Variants in TMEM169 observed in about 807,000 individuals in gnomAD.
TMEM169 encodes the protein transmembrane protein 169.
Under a neutral mutation model 27.3 loss-of-function variants are expected in TMEM169, and 18 were observed. That is an observed-to-expected ratio of 0.66 (90% CI 0.46 to 0.98). TMEM169 has a LOEUF of 0.98. TMEM169 is among the 50% of genes least tolerant of loss of function. TMEM169 has a pLI of 0.00. For missense variants in TMEM169, 320 were observed against 368.6 expected, an observed-to-expected ratio of 0.87 and a Z score of 1.08; for synonymous variants, 136 against 142.1, an observed-to-expected ratio of 0.96 and a Z score of 0.30.
chr2:216,088,120 T>G (rs1235914288), intron 1 of TMEM169, among the ~76,000 whole-genome samples: 1 of 147,848 alleles, frequency 6.8e-6, no homozygotes, highest in Non-Finnish European at 1.5e-5. Flanking sequence ...ATTGCACAAC[T>G]GCACTCCAGC....
chr2:216,093,929 T>A (rs938139090), intron 1 of TMEM169, among the ~76,000 whole-genome samples: 2 of 152,174 alleles, frequency 1.3e-5, no homozygotes, highest in Non-Finnish European at 2.9e-5. Flanking sequence ...TAGAGCCTAG[T>A]GGAATTTTTG....
In TMEM169 at chr2:216,100,214, A is replaced by G. The variant is rs1355514408; in HGVS notation, c.566A>G (p.Asn189Ser). 3.7e-6 allele frequency: 6 copies of G among 1,612,666 alleles called. No homozygotes were observed. The South Asian group carries it at 6.6e-5, about 18-fold the overall frequency. Residue 189 changes from asparagine (N) to serine (S), a missense_variant, in exon 3 of 3, where the codon AAC (asparagine) becomes AGC (serine). Coordinates refer to ENST00000437356, the MANE Select transcript of TMEM169 (RefSeq NM_001142311.2). ...SFYYGTITWY[N>S]IFLVYNEERT... The stretch of plus-strand genomic sequence containing the variant: ...TACTACGGCACTATCACCTGGTACA[A>G]CATCTTCCTCGTGTATAATGAGGAA...
In TMEM169 at chr2:216,102,622, TC is replaced by T. The variant is rs1480114057; in HGVS notation, c.*2081del. ...GAGCTCCACCTTCAGAGGAACTCTC[TC>T]TTTTTTTTTTTTTTAAATAACTATT... is the stretch of plus-strand genomic sequence containing the variant. On this transcript the variant is annotated 3_prime_UTR_variant, in exon 3 of 3. Transcript: ENST00000437356. 6.7e-6 allele frequency: 1 copy of T among 149,022 alleles called. No individual in the cohort carries two copies. The highest frequency in any genetic ancestry group is 1.5e-5 in the Non-Finnish European group (1 of 67,406). 9.2% of individuals were successfully genotyped at this position (149,022 alleles called of 1,614,324 possible).
At chr2:216,096,778 G>T (rs973796696) in intron 2 of TMEM169, among the ~76,000 whole-genome samples, 13 of 152,176 alleles carry the variant, frequency 8.5e-5, no homozygotes, top group African/African-American at 2.7e-4. Context: ...AAATGGAAGA[G>T]GCTGATTTAT....
intron 1 of TMEM169, among the ~76,000 whole-genome samples, chr2:216,093,125 AGT>A (rs60241289): frequency 0.24 from 35,071 of 145,546 alleles, 4,707 homozygotes; most frequent in Non-Finnish European, 0.32. Flanking sequence ...GTAATAATGA[AGT>A]GTGTGTGTGT....
At chr2:216,088,405 A>G (rs763716194) in intron 1 of TMEM169, among the ~76,000 whole-genome samples, 1 of 152,266 alleles carries the variant, frequency 6.6e-6, no homozygotes, top group Non-Finnish European at 1.5e-5. Flanking sequence ...CGGAGCTTGC[A>G]GTGGGCTGAG....
intron 1 of TMEM169, among the ~76,000 whole-genome samples, chr2:216,095,109 C>CTTTTTTTTTTCTTTTTTTTTTTTT (rs1553564688): frequency 9.1e-6 from 1 of 110,482 alleles, no homozygotes; most frequent in African/African-American, 4.1e-5. Context: ...TTTTTTCTTT[C>CTTTTTTTTTTCTTTTTTTTTTTTT]TTTTTTTTTT....
intron 2 of TMEM169, among the ~76,000 whole-genome samples, chr2:216,098,680 C>T (rs1439356513): frequency 6.6e-6 from 1 of 151,776 alleles, no homozygotes; most frequent in Non-Finnish European, 1.5e-5. Context: ...TCTAGGGTGG[C>T]CAGCAGATAG....
At chr2:216,097,715 C>A (rs1250025733) in intron 2 of TMEM169, among the ~76,000 whole-genome samples, 1 of 152,162 alleles carries the variant, frequency 6.6e-6, no homozygotes, top group East Asian at 1.9e-4. Context: ...AGTTGACCTT[C>A]AGGGAAAGAC....
chr2:216,093,324 G>C (rs1696183593), intron 1 of TMEM169, among the ~76,000 whole-genome samples: 1 of 152,044 alleles, frequency 6.6e-6, no homozygotes, highest in South Asian at 2.1e-4. Flanking sequence ...CTAATGGTTG[G>C]ATTAATTGTC....
intron 1 of TMEM169, chr2:216,083,048 C>A (rs1695906159): frequency 6.6e-6 from 1 of 152,286 alleles, no homozygotes. Flanking sequence ...TGGACAGCTA[C>A]ACTTCCCTGT....
chr2:216,095,109 C>CTTTTTTTT (rs71047975), intron 1 of TMEM169, among the ~76,000 whole-genome samples: 3 of 110,474 alleles, frequency 2.7e-5, no homozygotes, highest in African/African-American at 8.2e-5. Context: ...TTTTTTCTTT[C>CTTTTTTTT]TTTTTTTTTT....
intron 1 of TMEM169, among the ~76,000 whole-genome samples, chr2:216,086,957 A>G (rs1235237953): frequency 6.6e-6 from 1 of 152,236 alleles, no homozygotes; most frequent in Non-Finnish European, 1.5e-5. Flanking sequence ...TCAGTCACAT[A>G]TTAGGCATTT....
At position 216,101,162 on chromosome 2, in the gene TMEM169, T is replaced by A. The variant is rs959779851; in HGVS notation, c.*620T>A. 4 of 160,324 alleles carry A rather than the reference T, an allele frequency of 2.5e-5. No individual in the cohort carries two copies. Among genetic ancestry groups the A allele is most frequent in the Admixed American group, 5.7e-5 (1 of 17,456 alleles). The allele number at this position is 160,324 out of a possible 1,614,324, so 9.9% of individuals were successfully genotyped here. A position where few individuals can be genotyped will look rare whatever the true frequency, so the allele number is the denominator to read the frequency against. On this transcript the variant is annotated 3_prime_UTR_variant, in exon 3 of 3. Coordinates refer to ENST00000437356, the MANE Select transcript of TMEM169 (RefSeq NM_001142311.2). ...CCAGGCTTCTTCTATTTCTCTACCATTAGTAGGATGTGACCCTTCTCACCC... is the reference window on the plus strand; with the variant it reads ...CCAGGCTTCTTCTATTTCTCTACCAATAGTAGGATGTGACCCTTCTCACCC...
At chr2:216,092,837 G>A (rs781072831) in intron 1 of TMEM169, among the ~76,000 whole-genome samples, 14 of 148,300 alleles carry the variant, frequency 9.4e-5, no homozygotes, top group African/African-American at 2.6e-4. Flanking sequence ...AGGAAAACAC[G>A]GTGGATTAGG....
In TMEM169 at chr2:216,099,438, G is replaced by A. The variant is rs374119498; in HGVS notation, c.272-482G>A. 1.3e-5 allele frequency among the ~76,000 whole-genome samples: 2 copies of A among 151,936 alleles called. No homozygotes were observed. Among genetic ancestry groups the A allele is most frequent in the South Asian group, 4.1e-4 (2 of 4,826 alleles). ...GCATGTGTGTATGCGTGCAGCCCCTGGATGTGAGGGCTGGATCAGGCATGT... is the reference window on the plus strand; with the variant it reads ...GCATGTGTGTATGCGTGCAGCCCCTAGATGTGAGGGCTGGATCAGGCATGT... On this transcript the variant is annotated intron_variant, in intron 2 of 2. Coordinates refer to ENST00000437356, the MANE Select transcript of TMEM169 (RefSeq NM_001142311.2). The surrounding 1 kb of genome is among the most constrained non-coding windows in gnomAD (Gnocchi z 5.0).
intron 1 of TMEM169, among the ~76,000 whole-genome samples, chr2:216,087,541 C>T (rs1574429964): frequency 6.6e-6 from 1 of 152,140 alleles, no homozygotes; most frequent in African/African-American, 2.4e-5. Context: ...CATCAAAGAA[C>T]ATTCTAGAAG....
In TMEM169 at chr2:216,095,109, C is replaced by CTTTCTTTTTTTT. The variant is rs751748269; in HGVS notation, c.-126-726_-126-725insCTTTTTTTTTTT. On this transcript the variant is annotated intron_variant, in intron 1 of 2. Transcript: ENST00000437356. ...AGCCACCTATGGTTCTTTTTTCTTT[C>CTTTCTTTTTTTT]TTTTTTTTTTTTTTGACAGAGTCTC... Among the ~76,000 whole-genome samples the CTTTCTTTTTTTT allele has an allele frequency of 6.3e-5, 7 of 110,476 alleles. No homozygotes were observed. In the East Asian group the frequency reaches 1.2e-3, roughly 18 times the overall value. 72.5% of individuals were successfully genotyped at this position (110,476 alleles called of 152,430 possible).
At chr2:216,098,571 G>A (rs1039160001) in intron 2 of TMEM169, among the ~76,000 whole-genome samples, 1 of 152,180 alleles carries the variant, frequency 6.6e-6, no homozygotes, top group African/African-American at 2.4e-5. Context: ...CTGCTCTTTA[G>A]GTGGCTTCAT....
Sources: allele counts gnomAD v4.1 joint callset (sites outside exome capture counted in the v4.1 genomes callset), GRCh38; gene constraint gnomAD v4.1.1; non-coding constraint Gnocchi (gnomAD v3.1); transcripts MANE v1.5; gene names NCBI Gene and HGNC (gene_info 2026-07-23, HGNC 2026-07-21).